Variants in SNED1 observed in about 807,000 individuals in gnomAD.
SNED1 encodes the protein sushi, nidogen and EGF-like domain-containing protein 1.
Under a neutral mutation model 166.7 loss-of-function variants are expected in SNED1, and 81 were observed. The ratio of observed to expected loss-of-function variants is 0.49; its 90% CI spans 0.41 to 0.58. The LOEUF (loss-of-function observed/expected upper bound fraction) is 0.58. Among genes scored for constraint, SNED1 ranks in the 20% least tolerant of loss-of-function variants. The probability of loss-of-function intolerance (pLI) is 0.00; values close to 1 mark genes in which losing one functional copy is unlikely to be tolerated. For synonymous variants in SNED1, 762 were observed against 822.0 expected (o/e 0.93, Z 1.25); for missense variants, 1,604 against 2,000.2 (o/e 0.80, Z 3.78).
chr2:241,087,646 T>C, intron 30 of SNED1, 171 bp downstream of exon 30: 1 of 1,426,382 alleles, frequency 7.0e-7, no homozygotes, highest in South Asian at 1.6e-5. Context: ...TGTATGTCCA[T>C]ATATGTGCAT....
At chr2:241,000,021 C>CAT (rs565664589) in intron 1 of SNED1, among the ~76,000 whole-genome samples, 18 of 152,296 alleles carry the variant, frequency 1.2e-4, no homozygotes, top group Admixed American at 9.8e-4. Context: ...CTGCCAGCCA[C>CAT]ATCGCCTCTG....
chr2:241,073,301 G>A lies in SNED1; in HGVS notation c.3853G>A (p.Glu1285Lys), dbSNP rs759170887. ...TASAQLENME[E>K]APKRVSLALQ... is the part of the protein sequence containing the mutation. ...CTCGGCGCAGCTCGAGAACATGGAG[G>A]AAGCCCCCAAGCGGGTCAGCCTGGC... Residue 1285 changes from glutamate to lysine, a missense_variant, in exon 27 of 32, where the codon GAA (glutamate) becomes AAA (lysine). By Grantham distance (56) the Glu-to-Lys change is moderately conservative. Transcript: ENST00000310397. The surrounding 1 kb of genome is among the most constrained non-coding windows in gnomAD (Gnocchi z 6.6). 3 of 1,570,450 alleles carry A rather than the reference G, an allele frequency of 1.9e-6. No individual in the cohort carries two copies. The highest frequency in any genetic ancestry group is 1.4e-5 in the African/African-American group (1 of 73,768).
chr2:241,040,206 G>C lies in SNED1; in HGVS notation c.1159+18G>C, dbSNP rs115643503. On this transcript the variant is annotated intron_variant, in intron 7 of 31. Coordinates refer to ENST00000310397, the MANE Select transcript of SNED1 (RefSeq NM_001080437.3). ...CGAGATGGGTGAGTGGCCTGGCTTC[G>C]GATTGGAGAGGGGCTCCTGCCCGTG... 3 of 1,578,558 alleles carry C rather than the reference G, an allele frequency of 1.9e-6. No individual in the cohort carries two copies. In the Admixed American group the frequency reaches 5.5e-5, roughly 29 times the overall value.
At position 241,069,062 on chromosome 2, in the gene SNED1, G is replaced by T. The variant is rs768173462; in HGVS notation, c.3307+39G>T. ...CGCGGCCCCCGGCACACGAAAGGCC[G>T]TCTTCTAGAAGCTCTGGCTTCCTTC... On this transcript the variant is annotated intron_variant, in intron 23 of 31. Coordinates refer to ENST00000310397, the MANE Select transcript of SNED1 (RefSeq NM_001080437.3). The surrounding 1 kb of genome is among the most constrained non-coding windows in gnomAD (Gnocchi z 4.9). 3 of 1,393,154 alleles carry T rather than the reference G, an allele frequency of 2.2e-6. No homozygotes were observed. The South Asian group carries it at 3.8e-5, about 18-fold the overall frequency. The allele number at this position is 1,393,154 out of a possible 1,614,324, so 86.3% of individuals were successfully genotyped here.
Position 241,081,674 on chromosome 2 carries a change from C to A in SNED1, c.3917-3C>A. ...ACTAACCTCTCGTGACCTCTGTTTCCAGACGTCCCTGGCAACTGTTCAGAA... is the reference window on the plus strand; with the variant it reads ...ACTAACCTCTCGTGACCTCTGTTTCAAGACGTCCCTGGCAACTGTTCAGAA... On this transcript the variant is annotated splice_polypyrimidine_tract_variant and splice_region_variant and intron_variant, in intron 27 of 31. Coordinates refer to ENST00000310397, the MANE Select transcript of SNED1 (RefSeq NM_001080437.3). 1 of 1,592,422 alleles carries A rather than the reference C, an allele frequency of 6.3e-7. No homozygotes were observed. The highest frequency in any genetic ancestry group is 2.3e-5 in the East Asian group (1 of 43,804).
At position 241,075,469 on chromosome 2, in the gene SNED1, G is replaced by C. The variant is rs2062974931; in HGVS notation, c.3916+2105G>C. The C allele has an allele frequency of 6.6e-6, 1 of 152,188 alleles. No homozygotes were observed. The highest frequency in any genetic ancestry group is 2.4e-5 in the African/African-American group (1 of 41,434). 9.4% of individuals were successfully genotyped at this position (152,188 alleles called of 1,614,324 possible). ...GTTTGCATCTCCTGGGCACTGATGT[G>C]ACTGCGCCTCTCCTCATGGGCATCC... is the stretch of plus-strand genomic sequence containing the variant. On this transcript the variant is annotated intron_variant, in intron 27 of 31. Coordinates refer to ENST00000310397, the MANE Select transcript of SNED1 (RefSeq NM_001080437.3). The surrounding 1 kb of genome is among the most constrained non-coding windows in gnomAD (Gnocchi z 4.8).
chr2:241,034,114 C>G (rs1363606422), intron 3 of SNED1, among the ~76,000 whole-genome samples: 4 of 152,326 alleles, frequency 2.6e-5, no homozygotes, highest in African/African-American at 9.6e-5. Flanking sequence ...CCTGCAGTCC[C>G]CTTTAACAGC....
In SNED1 at chr2:241,091,659, A is replaced by G. The variant is rs774366568; in HGVS notation, c.*23A>G. The G allele has an allele frequency of 5.3e-5, 8 of 152,124 alleles. No individual in the cohort carries two copies. The highest frequency in any genetic ancestry group is 1.2e-4 in the Non-Finnish European group (8 of 68,024). 9.4% of individuals were successfully genotyped at this position (152,124 alleles called of 1,614,324 possible). ...AAAGGATTTAAGACGTTCTTGTTACACTCCACCAACCTCACGAGTTTCTAA... is the reference window on the plus strand; with the variant it reads ...AAAGGATTTAAGACGTTCTTGTTACGCTCCACCAACCTCACGAGTTTCTAA... On this transcript the variant is annotated 3_prime_UTR_variant, in exon 32 of 32. Transcript: ENST00000310397. The surrounding 1 kb of genome is among the most constrained non-coding windows in gnomAD (Gnocchi z 4.1).
chr2:241,043,771 A>G (rs554809059), intron 8 of SNED1, among the ~76,000 whole-genome samples: 2 of 152,356 alleles, frequency 1.3e-5, no homozygotes, highest in Non-Finnish European at 2.9e-5. Flanking sequence ...TATGGTCTCT[A>G]TCACAACTCA....
At position 241,081,668 on chromosome 2, in the gene SNED1, TGTTTCCAGAC is replaced by T; in HGVS notation, c.3917-6_3920del. 1 of 1,585,406 alleles carries T rather than the reference TGTTTCCAGAC, an allele frequency of 6.3e-7. No individual in the cohort carries two copies. The highest frequency in any genetic ancestry group is 8.6e-7 in the Non-Finnish European group (1 of 1,164,536). On this transcript the variant is annotated splice_acceptor_variant and splice_polypyrimidine_tract_variant and coding_sequence_variant and intron_variant, in exon 28 of 32. Coordinates refer to ENST00000310397, the MANE Select transcript of SNED1 (RefSeq NM_001080437.3). LOFTEE classifies it high-confidence loss of function. Reference sequence around the variant, plus strand: ...CCAGTGACTAACCTCTCGTGACCTCTGTTTCCAGACGTCCCTGGCAACTGTTCAGAAAACC... The same window carrying T: ...CCAGTGACTAACCTCTCGTGACCTCTGTCCCTGGCAACTGTTCAGAAAACC...
chr2:241,000,582 T>G (rs1477987453), intron 1 of SNED1, among the ~76,000 whole-genome samples: 1 of 152,222 alleles, frequency 6.6e-6, no homozygotes, highest in African/African-American at 2.4e-5. Context: ...CAGGCTCAGC[T>G]TTCCCACTCA....
intron 3 of SNED1, 121 bp downstream of exon 3, chr2:241,033,996 G>A: frequency 8.3e-7 from 1 of 1,208,718 alleles, no homozygotes; most frequent in Non-Finnish European, 1.1e-6. Context: ...CCGTGCAGAG[G>A]CCAACGAGAG....
chr2:241,024,235 C>CTTTTTTTTTTTTTTTTT lies in SNED1; in HGVS notation c.214-6036_214-6020dup, dbSNP rs10664618. Among the ~76,000 whole-genome samples the CTTTTTTTTTTTTTTTTT allele has an allele frequency of 1.1e-4, 5 of 46,938 alleles. 2 individuals carry two copies. The highest frequency in any genetic ancestry group is 4.2e-4 in the African/African-American group (5 of 11,924). 30.8% of individuals were successfully genotyped at this position (46,938 alleles called of 152,430 possible). A position where few individuals can be genotyped will look rare whatever the true frequency, so the allele number is the denominator to read the frequency against. ...GTGTAGTTGTATTTCACTCTACTAC[C>CTTTTTTTTTTTTTTTTT]TTTTTTTTTTTTTTTTTTTTTTTTT... On this transcript the variant is annotated intron_variant, in intron 1 of 31. Coordinates refer to ENST00000310397, the MANE Select transcript of SNED1 (RefSeq NM_001080437.3).
intron 24 of SNED1, among the ~76,000 whole-genome samples, chr2:241,071,045 G>T (rs1219245009): frequency 6.6e-6 from 1 of 152,194 alleles, no homozygotes; most frequent in Admixed American, 6.5e-5. Context: ...GGGCAGGCTG[G>T]GACCTCTGTG....
At chr2:241,036,663 C>T (rs921167646) in intron 4 of SNED1, 127 bp from the exon 5 acceptor site, 12 of 1,231,204 alleles carry the variant, frequency 9.7e-6, no homozygotes, top group African/African-American at 8.9e-5. Flanking sequence ...TGCTTTGCTG[C>T]GGTCACCCGG....
rs933466506 is a variant in SNED1, at chr2:241,064,984, G to A, written c.2713+27G>A. ...TGGGTGGCGAGGGCGCCTCCAGTGA[G>A]GGAGCCACGAGGGGGTCCCCTCTCC... On this transcript the variant is annotated intron_variant, in intron 20 of 31. Coordinates refer to ENST00000310397, the MANE Select transcript of SNED1 (RefSeq NM_001080437.3). The surrounding 1 kb of genome is among the most constrained non-coding windows in gnomAD (Gnocchi z 7.0). The A allele has an allele frequency of 5.9e-6, 9 of 1,522,536 alleles. No individual in the cohort carries two copies. Among genetic ancestry groups the A allele is most frequent in the Non-Finnish European group, 8.0e-6 (9 of 1,130,864 alleles). The allele number at this position is 1,522,536 out of a possible 1,614,324, so 94.3% of individuals were successfully genotyped here. A position where few individuals can be genotyped will look rare whatever the true frequency, so the allele number is the denominator to read the frequency against.
In SNED1 at chr2:241,094,493, CACCT is replaced by C; in HGVS notation, c.*2861_*2864del. Reference sequence around the variant, plus strand: ...AATCCCCACAATTGCATGCAGCTCACACCTACCAGGGGTATTCCAGTGCATAGGG... The same window carrying C: ...AATCCCCACAATTGCATGCAGCTCACACCAGGGGTATTCCAGTGCATAGGG... On this transcript the variant is annotated 3_prime_UTR_variant, in exon 32 of 32. Coordinates refer to ENST00000310397, the MANE Select transcript of SNED1 (RefSeq NM_001080437.3). The surrounding 1 kb of genome is among the most constrained non-coding windows in gnomAD (Gnocchi z 4.3). The C allele has an allele frequency of 2.2e-6, 1 of 454,712 alleles. No homozygotes were observed. The highest frequency in any genetic ancestry group is 4.6e-6 in the Non-Finnish European group (1 of 218,524). The allele number at this position is 454,712 out of a possible 1,614,324, so 28.2% of individuals were successfully genotyped here.
intron 29 of SNED1, among the ~76,000 whole-genome samples, chr2:241,084,153 T>TTTTTTTTG (rs2063467474): frequency 6.7e-6 from 1 of 148,474 alleles, no homozygotes; most frequent in African/African-American, 2.6e-5. Flanking sequence ...TTTTTTTTTT[T>TTTTTTTTG]GAGACAAAGT....
intron 26 of SNED1, chr2:241,072,893 G>C (rs2062805847): frequency 3.4e-6 from 1 of 290,446 alleles, no homozygotes; most frequent in East Asian, 6.6e-5. Flanking sequence ...GAAAGAGCAG[G>C]GGGTGCCACA....
Sources: gnomAD v4.1 joint callset for allele counts (sites outside exome capture counted in the v4.1 genomes callset) on GRCh38, gnomAD v4.1.1 for gene constraint, Gnocchi (gnomAD v3.1) non-coding constraint, MANE v1.5 for transcripts, NCBI Gene and HGNC (gene_info 2026-07-23, HGNC 2026-07-21) for gene names.